The following PCDHGB5 variants were observed in gnomAD, a reference collection of about 807,000 sequenced individuals.
PCDHGB5 encodes protocadherin gamma subfamily B, 5, also known as protocadherin gamma-B5.
In PCDHGB5, 48 loss-of-function variants were observed where a neutral mutation model predicts 62.9. The observed-to-expected ratio is 0.76, with a 90% CI of 0.61 to 0.97. PCDHGB5 has a LOEUF of 0.97. PCDHGB5 is among the 50% of genes least tolerant of loss of function. The pLI is 0.00. For missense variants in PCDHGB5, 1,118 were observed against 1,198.6 expected, an observed-to-expected ratio of 0.93 and a Z score of 0.99; for synonymous variants, 474 against 511.2, an observed-to-expected ratio of 0.93 and a Z score of 0.98.
chr5:141,462,471 C>T (rs1464947091), intron 1 of PCDHGB5, among the ~76,000 whole-genome samples: 1 of 152,020 alleles, frequency 6.6e-6, no homozygotes, highest in East Asian at 1.9e-4. Context: ...GTGTATTCTG[C>T]TTCTCGTGGT....
chr5:141,487,181 C>T lies in PCDHGB5; in HGVS notation c.2398-7626C>T. 3 of 1,612,732 alleles carry T rather than the reference C, an allele frequency of 1.9e-6. No individual in the cohort carries two copies. The highest frequency in any genetic ancestry group is 1.1e-5 in the South Asian group (1 of 91,060). ...CTTAGTGTCCTTAGAGGAAGACACT[C>T]ATCCAGTTGTCCCAGATCTTCGAGA... On this transcript the variant is annotated intron_variant, in intron 1 of 3. Transcript: ENST00000617380. This position sits in a 1 kb window ranked among gnomAD's most constrained non-coding sequence, Gnocchi z 5.0.
In PCDHGB5 at chr5:141,485,624, C is replaced by T; in HGVS notation, c.2398-9183C>T. 1 of 1,611,640 alleles carries T rather than the reference C, an allele frequency of 6.2e-7. No homozygotes were observed. The highest frequency in any genetic ancestry group is 1.1e-5 in the South Asian group (1 of 90,868). The stretch of plus-strand genomic sequence containing the variant: ...TGGGGAGGCAGCTCCTCCAGGACAG[C>T]GTTTCCCGTTGGAAAAGGCTCAGGA... On this transcript the variant is annotated intron_variant, in intron 1 of 3. Transcript: ENST00000617380. This position sits in a 1 kb window ranked among gnomAD's most constrained non-coding sequence, Gnocchi z 5.7.
At chr5:141,414,421 A>G (rs1250470349) in intron 1 of PCDHGB5, 1 of 1,613,776 alleles carries the variant, frequency 6.2e-7, no homozygotes, top group African/African-American at 1.3e-5. Flanking sequence ...AGCCCTTGAC[A>G]GGGAACAGGT....
At chr5:141,413,729 G>C (rs2095671676) in intron 1 of PCDHGB5, 1 of 1,613,378 alleles carries the variant, frequency 6.2e-7, no homozygotes, top group Non-Finnish European at 8.5e-7. Flanking sequence ...TTCTCCCTAA[G>C]AGTTCAGAGC....
chr5:141,403,405 T>A, intron 1 of PCDHGB5: 4 of 1,614,060 alleles, frequency 2.5e-6, no homozygotes, highest in Non-Finnish European at 3.4e-6. Flanking sequence ...CTGGAGCACG[T>A]TATCCACTTC....
At chr5:141,494,954 G>A in intron 2 of PCDHGB5, 89 bp downstream of exon 2, 2 of 1,601,116 alleles carry the variant, frequency 1.2e-6, no homozygotes. Context: ...CCCAGCATTT[G>A]CTACAGATGG....
Position 141,423,756 on chromosome 5 carries a change from G to GA in PCDHGB5, c.2397+23232_2397+23233insA. ...GCCTGTTATGAAAACTGTTTGGGGGGGGGGTGGGGCGGCATATATTTAGTT... is the reference window on the plus strand; with the variant it reads ...GCCTGTTATGAAAACTGTTTGGGGGGAGGGGTGGGGCGGCATATATTTAGTT... On this transcript the variant is annotated intron_variant, in intron 1 of 3. Transcript: ENST00000617380. 2 of 448,622 alleles carry GA rather than the reference G, an allele frequency of 4.5e-6. 1 individual carries two copies. The highest frequency in any genetic ancestry group is 6.1e-6 in the Non-Finnish European group (2 of 329,708). 27.8% of individuals were successfully genotyped at this position (448,622 alleles called of 1,614,324 possible). A position where few individuals can be genotyped will look rare whatever the true frequency, so the allele number is the denominator to read the frequency against.
At chr5:141,492,703 G>A (rs2099743198) in intron 1 of PCDHGB5, among the ~76,000 whole-genome samples, 1 of 152,246 alleles carries the variant, frequency 6.6e-6, no homozygotes, top group Non-Finnish European at 1.5e-5. Flanking sequence ...CAACCCAGAA[G>A]CCTCGAGCAG....
chr5:141,461,323 T>C (rs2099013372), intron 1 of PCDHGB5, among the ~76,000 whole-genome samples: 1 of 152,176 alleles, frequency 6.6e-6, no homozygotes, highest in African/African-American at 2.4e-5. Context: ...TTTTTAATAA[T>C]GGCCATTCTT....
intron 3 of PCDHGB5, among the ~76,000 whole-genome samples, chr5:141,508,761 C>G (rs943236216): frequency 6.6e-6 from 1 of 151,974 alleles, no homozygotes; most frequent in Admixed American, 6.6e-5. Context: ...TCTGGCGCCT[C>G]TGAGGTCCCC....
chr5:141,404,579 A>G (rs1390358900), intron 1 of PCDHGB5: 1 of 1,614,002 alleles, frequency 6.2e-7, no homozygotes, highest in Non-Finnish European at 8.5e-7. Flanking sequence ...CCCACCACTT[A>G]GCAGCAATGT....
chr5:141,448,818 G>A (rs2098609016), intron 1 of PCDHGB5, among the ~76,000 whole-genome samples: 1 of 151,984 alleles, frequency 6.6e-6, no homozygotes, highest in Admixed American at 6.6e-5. Context: ...GATGGCGGGC[G>A]CCTGTAGTCC....
intron 1 of PCDHGB5, among the ~76,000 whole-genome samples, chr5:141,492,356 G>A (rs2099739649): frequency 6.6e-6 from 1 of 152,198 alleles, no homozygotes; most frequent in Non-Finnish European, 1.5e-5. Context: ...ACTGCCACTC[G>A]CTCGCGGCCA....
chr5:141,462,125 A>G (rs918645911), intron 1 of PCDHGB5, among the ~76,000 whole-genome samples: 24 of 151,688 alleles, frequency 1.6e-4, no homozygotes, highest in African/African-American at 5.6e-4. Flanking sequence ...ACCCAGTCCA[A>G]TTTTTTGTAT....
intron 1 of PCDHGB5, chr5:141,412,979 C>A: frequency 1.8e-6 from 1 of 542,930 alleles, no homozygotes; most frequent in Non-Finnish European, 3.2e-6. Flanking sequence ...AAAACGCAGC[C>A]AGAGCTCAAT....
Position 141,399,805 on chromosome 5 carries a change from T to G in PCDHGB5, c.1678T>G (p.Tyr560Asp), listed in dbSNP as rs776266997. The G allele has an allele frequency of 6.2e-7, 1 of 1,613,192 alleles. No individual in the cohort carries two copies. Among genetic ancestry groups the G allele is most frequent in the Admixed American group, 1.7e-5 (1 of 60,006 alleles). ...AAACGACAACGCACCGCGGGTGCTG[T>G]ACCCCGCGCTGGGTCCCGACGGCTC... ...DRNDNAPRVL[Y>D]PALGPDGSAL... Residue 560 changes from tyrosine (Y) to aspartate (D), a missense_variant, in exon 1 of 4, where the codon TAC becomes GAC. By Grantham distance (160) the Tyr-to-Asp change is radical (BLOSUM62 -3). Around this residue, in one of 2 missense-constraint regions of PCDHGB5, gnomAD observed 1,034 missense variants for 1,029.1 expected, o/e 1.00. Transcript: ENST00000617380.
rs2099748179 is a variant in PCDHGB5 at position 141,493,421 on chromosome 5, T to G, written c.2398-1386T>G. Among the ~76,000 whole-genome samples the G allele has an allele frequency of 6.6e-6, 1 of 152,182 alleles. No individual in the cohort carries two copies. Among genetic ancestry groups the G allele is most frequent in the South Asian group, 2.1e-4 (1 of 4,830 alleles). On this transcript the variant is annotated intron_variant, in intron 1 of 3. Coordinates refer to ENST00000617380, the MANE Select transcript of PCDHGB5 (RefSeq NM_018925.3). The surrounding 1 kb of genome is among the most constrained non-coding windows in gnomAD (Gnocchi z 4.3). Reference sequence around the variant, plus strand: ...GGAGTTGCCTCTGCTGGGATTTTGCTTCTGCTGGGATGGGGCAAGGGTGGG... The same window carrying G: ...GGAGTTGCCTCTGCTGGGATTTTGCGTCTGCTGGGATGGGGCAAGGGTGGG...
rs2093982352 is a variant in PCDHGB5 at position 141,400,218 on chromosome 5, G to C, written c.2091G>C (p.Val697=). 1 of 1,613,932 alleles carries C rather than the reference G, an allele frequency of 6.2e-7. No individual in the cohort carries two copies. The highest frequency in any genetic ancestry group is 1.7e-5 in the Admixed American group (1 of 60,012). Residue 697 remains valine, a synonymous_variant, in exon 1 of 4, where the codon GTG becomes GTC. Coordinates refer to ENST00000617380, the MANE Select transcript of PCDHGB5 (RefSeq NM_018925.3). The part of the protein sequence containing the change: ...YLVVALALIS[V]LFLLAVILAV... ...TGGTGGCCTTGGCCTTGATCTCAGT[G>C]CTCTTCCTCCTGGCCGTGATTCTGG...
At chr5:141,426,767 A>G (rs1219028777) in intron 1 of PCDHGB5, 1 of 456,548 alleles carries the variant, frequency 2.2e-6, no homozygotes, top group Admixed American at 2.3e-5. Flanking sequence ...ATGCAGATGT[A>G]GGGCCTCACT....
Sources: gnomAD v4.1 joint callset for allele counts (sites outside exome capture counted in the v4.1 genomes callset) on GRCh38, gnomAD v4.1.1 for gene constraint, gnomAD v4.1.1 regional missense constraint, Gnocchi (gnomAD v3.1) non-coding constraint, MANE v1.5 for transcripts, NCBI Gene and HGNC (gene_info 2026-07-23, HGNC 2026-07-21) for gene names.